The following SBF2 variants were observed in gnomAD, a reference collection of about 807,000 sequenced individuals.
SBF2 encodes the protein myotubularin-related protein 13.
SBF2 carries 112 observed loss-of-function variants against 225.2 expected under a neutral mutation model. The ratio of observed to expected loss-of-function variants is 0.50; its 90% CI spans 0.43 to 0.58. SBF2 has a LOEUF of 0.58. Among genes scored for constraint, SBF2 ranks in the 20% least tolerant of loss-of-function variants. The probability of loss-of-function intolerance (pLI) is 0.00; values close to 1 mark genes in which losing one functional copy is unlikely to be tolerated. For synonymous variants in SBF2, 763 were observed against 773.3 expected (o/e 0.99, Z 0.22); for missense variants, 1,996 against 2,206.2 (o/e 0.90, Z 1.91).
chr11:9,783,406 G>A (rs764904852), intron 38 of SBF2, among the ~76,000 whole-genome samples: 2 of 152,162 alleles, frequency 1.3e-5, no homozygotes, highest in Non-Finnish European at 2.9e-5. Flanking sequence ...CACTGTACAG[G>A]AGTAACAGTT....
In SBF2 at chr11:9,911,856, G is replaced by A. The variant is rs1031751514; in HGVS notation, c.1861-15845C>T. Among the ~76,000 whole-genome samples, 44 of 152,292 alleles carry A rather than the reference G, an allele frequency of 2.9e-4. 1 individual carries two copies. The Middle Eastern group carries it at 0.01, about 35-fold the overall frequency. Reference sequence around the variant, plus strand: ...ACAGTATTCAGTATAGTAATGTGCTGTACAGATTTGTAACCTTGGAGCGAT... The same window carrying A: ...ACAGTATTCAGTATAGTAATGTGCTATACAGATTTGTAACCTTGGAGCGAT... On this transcript the variant is annotated intron_variant, in intron 16 of 39. Coordinates refer to ENST00000256190, the MANE Select transcript of SBF2 (RefSeq NM_030962.4).
At chr11:10,115,569 TG>T (rs1422656436) in intron 2 of SBF2, among the ~76,000 whole-genome samples, 2 of 152,222 alleles carry the variant, frequency 1.3e-5, no homozygotes, top group Non-Finnish European at 2.9e-5. Context: ...ATTCTCACAT[TG>T]GTAACTATTC....
At chr11:10,279,902 G>A (rs1341196825) in intron 1 of SBF2, among the ~76,000 whole-genome samples, 2 of 152,156 alleles carry the variant, frequency 1.3e-5, no homozygotes, top group Non-Finnish European at 2.9e-5. Flanking sequence ...GCCCACCTCG[G>A]CCTCCCAAAG....
intron 6 of SBF2, among the ~76,000 whole-genome samples, chr11:10,003,151 A>C (rs1282669338): frequency 1.3e-5 from 2 of 152,236 alleles, no homozygotes; most frequent in African/African-American, 2.4e-5. Context: ...TCCGCAATTT[A>C]ATGATAGGGT....
intron 2 of SBF2, among the ~76,000 whole-genome samples, chr11:10,050,257 C>A (rs1235166212): frequency 2.6e-5 from 4 of 152,128 alleles, no homozygotes; most frequent in Non-Finnish European, 4.4e-5. Flanking sequence ...TATTTGACTT[C>A]TCAAATTGAA....
At chr11:10,080,955 A>G (rs1446105492) in intron 2 of SBF2, among the ~76,000 whole-genome samples, 2 of 152,206 alleles carry the variant, frequency 1.3e-5, no homozygotes, top group Non-Finnish European at 2.9e-5. Context: ...ACCCAGATTC[A>G]TAAAACAAGT....
At chr11:9,930,342 C>A (rs1163834793) in intron 16 of SBF2, among the ~76,000 whole-genome samples, 1 of 151,916 alleles carries the variant, frequency 6.6e-6, no homozygotes, top group East Asian at 1.9e-4. Flanking sequence ...AATAATGATG[C>A]TGAGTAAAAG....
intron 16 of SBF2, chr11:9,960,641 A>G (rs958972285): frequency 6.6e-6 from 1 of 150,868 alleles, no homozygotes. Flanking sequence ...AAGTGTGCCA[A>G]TTCTACACTG....
At chr11:9,935,129 C>T (rs544168548) in intron 16 of SBF2, among the ~76,000 whole-genome samples, 135 of 152,166 alleles carry the variant, frequency 8.9e-4, no homozygotes, top group Middle Eastern at 3.4e-3. Context: ...AAAATCGATG[C>T]GCAAAAATCA....
chr11:9,966,231 G>A (rs1008099320), intron 14 of SBF2, among the ~76,000 whole-genome samples: 2 of 152,098 alleles, frequency 1.3e-5, no homozygotes, highest in Non-Finnish European at 2.9e-5. Context: ...TGGGACTACA[G>A]GTGCATACCA....
At chr11:10,205,598 G>T (rs994683521) in intron 1 of SBF2, among the ~76,000 whole-genome samples, 1 of 151,998 alleles carries the variant, frequency 6.6e-6, no homozygotes, top group African/African-American at 2.4e-5. Context: ...TCATCTCCCA[G>T]ATCAAACAGA....
At chr11:10,022,503 T>C (rs774066760) in intron 6 of SBF2, among the ~76,000 whole-genome samples, 3 of 152,246 alleles carry the variant, frequency 2.0e-5, no homozygotes, top group Non-Finnish European at 2.9e-5. Context: ...AAATCAAATG[T>C]ATGGCTTAAT....
intron 2 of SBF2, among the ~76,000 whole-genome samples, chr11:10,059,140 A>G (rs1419337964): frequency 6.6e-6 from 1 of 152,212 alleles, no homozygotes; most frequent in Non-Finnish European, 1.5e-5. Flanking sequence ...CAATGACAGG[A>G]TCAAATCCAC....
intron 1 of SBF2, among the ~76,000 whole-genome samples, chr11:10,272,924 G>C (rs1962632878): frequency 6.6e-6 from 1 of 151,980 alleles, no homozygotes; most frequent in Non-Finnish European, 1.5e-5. Context: ...ACAAAAATTA[G>C]CCAGGCATGG....
At chr11:10,153,390 C>CA (rs890714140) in intron 2 of SBF2, among the ~76,000 whole-genome samples, 17 of 152,084 alleles carry the variant, frequency 1.1e-4, no homozygotes, top group Non-Finnish European at 2.5e-4. Context: ...AATTTATCTA[C>CA]AAAATCTCAC....
chr11:9,973,465 A>T (rs1946546562), intron 13 of SBF2, among the ~76,000 whole-genome samples: 1 of 152,240 alleles, frequency 6.6e-6, no homozygotes, highest in South Asian at 2.1e-4. Flanking sequence ...TTTTTTTCCA[A>T]AGTAACCAAA....
At chr11:10,004,585 A>AAAC (rs1554981741) in intron 6 of SBF2, among the ~76,000 whole-genome samples, 2 of 148,696 alleles carry the variant, frequency 1.3e-5, no homozygotes, top group African/African-American at 2.4e-5. Flanking sequence ...AAAAAAAAAA[A>AAAC]AAAAAAAAAA....
chr11:9,851,875 A>T (rs1856984236), intron 21 of SBF2, among the ~76,000 whole-genome samples: 1 of 152,158 alleles, frequency 6.6e-6, no homozygotes, highest in Non-Finnish European at 1.5e-5. Context: ...GCCTCAAGTG[A>T]TCCTCCCACT....
At chr11:10,274,193 T>C (rs1962771919) in intron 1 of SBF2, among the ~76,000 whole-genome samples, 1 of 152,186 alleles carries the variant, frequency 6.6e-6, no homozygotes, top group African/African-American at 2.4e-5. Context: ...GAACTGGAGC[T>C]TTGAGTTCAA....
Sources: allele counts gnomAD v4.1 joint callset (sites outside exome capture counted in the v4.1 genomes callset), GRCh38; gene constraint gnomAD v4.1.1; transcripts MANE v1.5; gene names NCBI Gene and HGNC (gene_info 2026-07-23, HGNC 2026-07-21).